The following PECAM1 variants were observed in gnomAD, a reference collection of about 807,000 sequenced individuals.
PECAM1 encodes the protein platelet endothelial cell adhesion molecule.
In PECAM1, 8 loss-of-function variants were observed where a neutral mutation model predicts 13.8. The observed-to-expected ratio is 0.58, with a 90% CI of 0.34 to 1.05. The LOEUF is 1.05. PECAM1 is among the 50% of genes least tolerant of loss of function. The probability of loss-of-function intolerance (pLI) is 0.03; values close to 1 mark genes in which losing one functional copy is unlikely to be tolerated. For synonymous variants in PECAM1, 136 were observed against 52.6 expected, an observed-to-expected ratio of 2.58 and a Z score of -6.86; for missense variants, 304 against 141.2, an observed-to-expected ratio of 2.15 and a Z score of -5.84.
chr17:64,334,750 G>A (rs1327529125), intron 14 of PECAM1, among the ~76,000 whole-genome samples: 3 of 152,052 alleles, frequency 2.0e-5, no homozygotes, highest in South Asian at 2.1e-4. Context: ...CTCATGATCC[G>A]CCCGCCTTAG....
At chr17:64,356,473 A>C (rs1598026293) in intron 7 of PECAM1, 75 bp from the exon 8 acceptor site, 1 of 412,154 alleles carries the variant, frequency 2.4e-6, no homozygotes, top group East Asian at 3.6e-5. Flanking sequence ...CCACTGCTCA[A>C]CTTTTTTTTT....
chr17:64,387,565 G>C (rs1255262864), intron 2 of PECAM1, among the ~76,000 whole-genome samples: 1 of 152,180 alleles, frequency 6.6e-6, no homozygotes, highest in African/African-American at 2.4e-5. Flanking sequence ...GCACGTAGGC[G>C]TGGGGTCCTG....
In PECAM1 at chr17:64,320,471, CT is replaced by C; in HGVS notation, c.*3344del. On this transcript the variant is annotated 3_prime_UTR_variant, in exon 16 of 16. Coordinates refer to ENST00000563924, the MANE Select transcript of PECAM1 (RefSeq NM_000442.5). ...TTGTCCTCAATGTTCTTCACCCCAC[CT>C]TTTCCACTGGTACCCTCTGCCTATG... The C allele has an allele frequency of 6.5e-6, 1 of 152,738 alleles. No individual in the cohort carries two copies. The allele number at this position is 152,738 out of a possible 1,614,324, so 9.5% of individuals were successfully genotyped here. A position where few individuals can be genotyped will look rare whatever the true frequency, so the allele number is the denominator to read the frequency against.
Position 64,361,127 on chromosome 17 carries a change from A to ATGTGTGTGTGTGTGTGTGTG in PECAM1, c.1217-713_1217-712insCACACACACACACACACACA, listed in dbSNP as rs1384237450. Among the ~76,000 whole-genome samples, 438 of 46,958 alleles carry ATGTGTGTGTGTGTGTGTGTG rather than the reference A, an allele frequency of 9.3e-3. 9 individuals carry two copies. The highest frequency in any genetic ancestry group is 0.02 in the African/African-American group (400 of 20,094). The allele number at this position is 46,958 out of a possible 152,430, so 30.8% of individuals were successfully genotyped here. On this transcript the variant is annotated intron_variant, in intron 6 of 15. Transcript: ENST00000563924. ...TGAGCCACCACACCTGGCTGAGCAT[A>ATGTGTGTGTGTGTGTGTGTG]TATGTGTGTGTGTGTGTGTGTGTGT...
chr17:64,335,426 T>A (rs969780797), intron 14 of PECAM1, among the ~76,000 whole-genome samples: 29 of 148,752 alleles, frequency 1.9e-4, no homozygotes, highest in Non-Finnish European at 3.3e-4. Context: ...TAGACAAAAG[T>A]TCTCCAATTA....
At chr17:64,371,808 C>T (rs1020956490) in intron 4 of PECAM1, among the ~76,000 whole-genome samples, 1,715 of 151,990 alleles carry the variant, frequency 0.011, 32 homozygotes, top group African/African-American at 0.039. Flanking sequence ...CCAGCCTGGG[C>T]GACAGAGTGA....
chr17:64,330,537 G>A (rs531985742), intron 14 of PECAM1, among the ~76,000 whole-genome samples: 225 of 151,792 alleles, frequency 1.5e-3, no homozygotes, highest in Middle Eastern at 0.014. Flanking sequence ...TCGGGAGGCT[G>A]AGGCGGGAGA....
chr17:64,321,496 G>A lies in PECAM1; in HGVS notation c.*2320C>T. On this transcript the variant is annotated 3_prime_UTR_variant, in exon 16 of 16. Transcript: ENST00000563924. The stretch of plus-strand genomic sequence containing the variant: ...CCACAGGCCGGGGGCGGTGGCTCAT[G>A]CCTGCAATCCCAGCACTTTGCGAGG... The A allele has an allele frequency of 4.1e-6, 4 of 985,020 alleles. No homozygotes were observed. The highest frequency in any genetic ancestry group is 4.9e-6 in the Non-Finnish European group (4 of 822,982). The allele number at this position is 985,020 out of a possible 1,614,324, so 61.0% of individuals were successfully genotyped here. A position where few individuals can be genotyped will look rare whatever the true frequency, so the allele number is the denominator to read the frequency against.
chr17:64,370,257 GCTTCCC>G, intron 4 of PECAM1: 1 of 347,966 alleles, frequency 2.9e-6, no homozygotes. Flanking sequence ...GGTTTCTGAA[GCTTCCC>G]AAAGGCCAAA....
intron 15 of PECAM1, 189 bp from the exon 16 acceptor site, chr17:64,324,034 G>T: frequency 1.2e-6 from 1 of 862,616 alleles, no homozygotes; most frequent in Non-Finnish European, 1.9e-6. Flanking sequence ...CAGCACTACA[G>T]ATACACGTGG....
chr17:64,342,561 C>T (rs2143737335), intron 13 of PECAM1, among the ~76,000 whole-genome samples: 1 of 152,238 alleles, frequency 6.6e-6, no homozygotes, highest in South Asian at 2.1e-4. Context: ...CTGCTGGCTC[C>T]TGGGCCTCAC....
chr17:64,320,585 T>A lies in PECAM1; in HGVS notation c.*3231A>T, dbSNP rs2034797550. On this transcript the variant is annotated 3_prime_UTR_variant, in exon 16 of 16. Transcript: ENST00000563924. ...TGGAAGCCCCTCCCATGTGCCCTTG[T>A]TTGAGCTTTTAATTTTCCACCATGA... 1.3e-5 allele frequency: 2 copies of A among 152,496 alleles called. No homozygotes were observed. The allele number at this position is 152,496 out of a possible 1,614,324, so 9.4% of individuals were successfully genotyped here. A position where few individuals can be genotyped will look rare whatever the true frequency, so the allele number is the denominator to read the frequency against.
intron 13 of PECAM1, among the ~76,000 whole-genome samples, chr17:64,344,413 T>C (rs1050738722): frequency 6.6e-6 from 1 of 152,108 alleles, no homozygotes; most frequent in Admixed American, 6.5e-5. Context: ...TGTTTTTCTC[T>C]GTGTTAACAG....
intron 14 of PECAM1, among the ~76,000 whole-genome samples, chr17:64,330,674 A>G (rs2035089109): frequency 6.6e-6 from 1 of 151,900 alleles, no homozygotes; most frequent in Non-Finnish European, 1.5e-5. Flanking sequence ...TTTTTTTAAG[A>G]AAAAAATGAA....
In PECAM1 at chr17:64,369,756, T is replaced by C; in HGVS notation, c.961A>G (p.Ile321Val). Reference sequence around the variant, plus strand: ...CCCGCAGCAGCAGCCCTACCTGTTATGTTGACCACGATGCTGCTGACCTTG... The same window carrying C: ...CCCGCAGCAGCAGCCCTACCTGTTACGTTGACCACGATGCTGCTGACCTTG... ...ISKVSSIVVNITELFSKPELE... is the reference protein window; with the variant it reads ...ISKVSSIVVNVTELFSKPELE... The change falls in exon 5 of 16, where the codon ATA (isoleucine) becomes GTA (valine). Residue 321 changes from isoleucine to valine, a missense_variant. Coordinates refer to ENST00000563924, the MANE Select transcript of PECAM1 (RefSeq NM_000442.5). 2.5e-6 allele frequency: 1 copy of C among 398,700 alleles called. No homozygotes were observed. The highest frequency in any genetic ancestry group is 4.4e-6 in the Non-Finnish European group (1 of 226,114). The allele number at this position is 398,700 out of a possible 1,614,324, so 24.7% of individuals were successfully genotyped here.
At chr17:64,374,066 T>C (rs931584941) in intron 4 of PECAM1, among the ~76,000 whole-genome samples, 80 of 152,098 alleles carry the variant, frequency 5.3e-4, no homozygotes, top group African/African-American at 1.9e-3. Context: ...GCTGAGGACC[T>C]GGCCCCTCTT....
intron 5 of PECAM1, among the ~76,000 whole-genome samples, chr17:64,365,961 A>G (rs1210837918): frequency 6.6e-6 from 1 of 151,976 alleles, no homozygotes; most frequent in Non-Finnish European, 1.5e-5. Flanking sequence ...ACAAAAGCCA[A>G]AATTGACAAA....
intron 12 of PECAM1, among the ~76,000 whole-genome samples, chr17:64,348,772 T>C (rs909947227): frequency 1.3e-5 from 2 of 152,078 alleles, no homozygotes; most frequent in African/African-American, 4.8e-5. Flanking sequence ...TATTCTGTAT[T>C]TTGAGGGGGC....
chr17:64,327,760 A>G (rs2034997168), intron 15 of PECAM1, among the ~76,000 whole-genome samples: 1 of 152,180 alleles, frequency 6.6e-6, no homozygotes, highest in African/African-American at 2.4e-5. Context: ...ACAATACCAA[A>G]TTAGTCTTTG....
Sources: gnomAD v4.1 joint callset for allele counts (sites outside exome capture counted in the v4.1 genomes callset) on GRCh38, gnomAD v4.1.1 for gene constraint, MANE v1.5 for transcripts, NCBI Gene and HGNC (gene_info 2026-07-23, HGNC 2026-07-21) for gene names.